The following GALNTL6 variants were observed in gnomAD, a reference collection of about 807,000 sequenced individuals.
The protein encoded by GALNTL6 is polypeptide N-acetylgalactosaminyltransferase-like 6.
In GALNTL6, 46 loss-of-function variants were observed where a neutral mutation model predicts 73.7. The ratio of observed to expected loss-of-function variants is 0.62; its 90% CI spans 0.49 to 0.80. The LOEUF (loss-of-function observed/expected upper bound fraction) is 0.80. Ranked by LOEUF, GALNTL6 falls within the 30% of genes least tolerant of loss-of-function variation. The probability of loss-of-function intolerance (pLI) is 0.00; values close to 1 mark genes in which losing one functional copy is unlikely to be tolerated. For missense variants in GALNTL6, 604 were observed against 755.0 expected (o/e 0.80, Z 2.34); for synonymous variants, 259 against 263.7 (o/e 0.98, Z 0.17).
chr4:171,984,467 A>G (rs1461792489), intron 2 of GALNTL6, among the ~76,000 whole-genome samples: 1 of 152,040 alleles, frequency 6.6e-6, no homozygotes, highest in Admixed American at 6.5e-5. Context: ...TGTGGTCAGA[A>G]AGGGTTGTAG....
intron 2 of GALNTL6, among the ~76,000 whole-genome samples, chr4:172,159,227 T>G (rs1354468094): frequency 6.6e-6 from 1 of 152,098 alleles, no homozygotes; most frequent in East Asian, 1.9e-4. Context: ...AGAGATACTC[T>G]TTTCACTGAA....
At chr4:172,136,584 G>A (rs1214423508) in intron 2 of GALNTL6, among the ~76,000 whole-genome samples, 7 of 151,800 alleles carry the variant, frequency 4.6e-5, no homozygotes, top group South Asian at 4.2e-4. Context: ...GTTTCCCCAC[G>A]TTGCAGCTTG....
At chr4:172,359,101 A>G (rs371528778) in intron 5 of GALNTL6, among the ~76,000 whole-genome samples, 20 of 152,344 alleles carry the variant, frequency 1.3e-4, no homozygotes, top group African/African-American at 4.6e-4. Flanking sequence ...CTGCAGCACT[A>G]TTCACATTAG....
intron 7 of GALNTL6, among the ~76,000 whole-genome samples, chr4:172,849,763 T>C: frequency 6.6e-6 from 1 of 152,206 alleles, no homozygotes; most frequent in East Asian, 1.9e-4. Context: ...CCTAGAGGTC[T>C]ATCACAGAGA....
intron 5 of GALNTL6, among the ~76,000 whole-genome samples, chr4:172,358,265 TC>T (rs1376310140): frequency 2.6e-5 from 4 of 152,142 alleles, no homozygotes; most frequent in African/African-American, 7.2e-5. Flanking sequence ...AGGTATGATT[TC>T]ACTATTAAGA....
At chr4:172,188,490 G>A (rs769613696) in intron 2 of GALNTL6, among the ~76,000 whole-genome samples, 1 of 152,148 alleles carries the variant, frequency 6.6e-6, no homozygotes, top group Non-Finnish European at 1.5e-5. Context: ...AAGTGACACG[G>A]TGTCTGCTCT....
chr4:172,001,110 T>C (rs1294066339), intron 2 of GALNTL6, among the ~76,000 whole-genome samples: 1 of 152,210 alleles, frequency 6.6e-6, no homozygotes, highest in Non-Finnish European at 1.5e-5. Flanking sequence ...GTAATCGTTG[T>C]AATTAGTGAT....
chr4:172,590,771 C>T (rs192228386), intron 5 of GALNTL6, among the ~76,000 whole-genome samples: 2 of 152,150 alleles, frequency 1.3e-5, no homozygotes, highest in Admixed American at 6.5e-5. Flanking sequence ...AGCTACAAGA[C>T]TTATTTCTGC....
At chr4:171,830,297 G>A (rs1351634954) in intron 2 of GALNTL6, among the ~76,000 whole-genome samples, 1 of 152,158 alleles carries the variant, frequency 6.6e-6, no homozygotes, top group Non-Finnish European at 1.5e-5. Flanking sequence ...GTAGTTTTAA[G>A]CTGCCTAGTT....
chr4:172,288,418 T>A (rs1739345884), intron 3 of GALNTL6, among the ~76,000 whole-genome samples: 1 of 152,144 alleles, frequency 6.6e-6, no homozygotes, highest in African/African-American at 2.4e-5. Flanking sequence ...AAGAAATAAA[T>A]GACTTCCTGG....
intron 8 of GALNTL6, among the ~76,000 whole-genome samples, chr4:172,895,404 T>TATATA (rs1399858586): frequency 6.8e-6 from 1 of 146,920 alleles, no homozygotes; most frequent in African/African-American, 2.5e-5. Context: ...ATATATATAT[T>TATATA]TTTTTTTTGC....
intron 5 of GALNTL6, among the ~76,000 whole-genome samples, chr4:172,639,571 T>C (rs1381187326): frequency 6.6e-6 from 1 of 152,152 alleles, no homozygotes; most frequent in East Asian, 1.9e-4. Flanking sequence ...ATCCCTAATA[T>C]TGTCAGGTAA....
Position 172,706,429 on chromosome 4 carries a change from A to G in GALNTL6, c.554-102932A>G, listed in dbSNP as rs79011303. ...GAGTTATTGATCTGAGAGCTTTCAC[A>G]TAAACATCTTATTAGGGTCAGTGCT... On this transcript the variant is annotated intron_variant, in intron 5 of 12. Coordinates refer to ENST00000506823, the MANE Select transcript of GALNTL6 (RefSeq NM_001034845.3). Among the ~76,000 whole-genome samples the G allele has an allele frequency of 3.9e-4, 60 of 152,200 alleles. No individual in the cohort carries two copies. The East Asian group carries it at 0.012, about 30-fold the overall frequency.
intron 5 of GALNTL6, among the ~76,000 whole-genome samples, chr4:172,427,319 T>C (rs1487124921): frequency 6.6e-6 from 1 of 152,090 alleles, no homozygotes; most frequent in Non-Finnish European, 1.5e-5. Context: ...GGCAAGAGAA[T>C]GTGTGCAGGG....
chr4:172,938,077 T>C (rs975291190), intron 9 of GALNTL6, among the ~76,000 whole-genome samples: 8 of 152,168 alleles, frequency 5.3e-5, no homozygotes, highest in African/African-American at 1.7e-4. Context: ...TTTCCTATGG[T>C]TATTATACTT....
At chr4:172,409,242 A>G (rs79804370) in intron 5 of GALNTL6, among the ~76,000 whole-genome samples, 1 of 152,146 alleles carries the variant, frequency 6.6e-6, no homozygotes, top group African/African-American at 2.4e-5. Flanking sequence ...CCCAAGTAAG[A>G]TATTCCAATT....
At chr4:172,010,794 G>A (rs1740983856) in intron 2 of GALNTL6, among the ~76,000 whole-genome samples, 1 of 152,008 alleles carries the variant, frequency 6.6e-6, no homozygotes. Flanking sequence ...TATGTGAAAT[G>A]ATACTTAGTA....
chr4:172,063,744 G>A (rs974365832), intron 2 of GALNTL6, among the ~76,000 whole-genome samples: 4 of 152,028 alleles, frequency 2.6e-5, no homozygotes, highest in East Asian at 1.9e-4. Flanking sequence ...GTACTTATAC[G>A]TTGGGCTTTC....
chr4:171,856,421 T>G (rs1937658652), intron 2 of GALNTL6, among the ~76,000 whole-genome samples: 1 of 152,224 alleles, frequency 6.6e-6, no homozygotes, highest in Non-Finnish European at 1.5e-5. Context: ...TGCTGAGACA[T>G]TTTAATTTTA....
Sources: allele counts gnomAD v4.1 joint callset (sites outside exome capture counted in the v4.1 genomes callset), GRCh38; gene constraint gnomAD v4.1.1; transcripts MANE v1.5; gene names NCBI Gene and HGNC (gene_info 2026-07-23, HGNC 2026-07-21).